Variants in ATP5F1B observed in about 807,000 individuals in gnomAD.
ATP5F1B encodes ATP synthase F1 subunit beta, also known as ATP synthase F(1) complex subunit beta, mitochondrial.
Under a neutral mutation model 45.9 loss-of-function variants are expected in ATP5F1B, and 17 were observed. That is an observed-to-expected ratio of 0.37 (90% confidence interval 0.25 to 0.56). The LOEUF is 0.56. Ranked by LOEUF, ATP5F1B falls within the 20% of genes least tolerant of loss-of-function variation. The pLI is 0.80. For missense variants in ATP5F1B, 387 were observed against 673.2 expected (o/e 0.57, Z 4.70); for synonymous variants, 218 against 256.5 (o/e 0.85, Z 1.43).
chr12:56,642,362 A>G, intron 7 of ATP5F1B, 96 bp downstream of exon 7: 1 of 1,540,820 alleles, frequency 6.5e-7, no homozygotes, highest in Non-Finnish European at 8.8e-7. Context: ...CTTGGGCTCA[A>G]GCAATCTTCC....
intron 3 of ATP5F1B, among the ~76,000 whole-genome samples, chr12:56,644,381 G>C (rs1473892234): frequency 8.2e-6 from 1 of 121,514 alleles, no homozygotes; most frequent in South Asian, 2.5e-4. Flanking sequence ...GCCGAGGTGG[G>C]GGGGGAATCA....
At chr12:56,643,773 T>C in intron 4 of ATP5F1B, 64 bp downstream of exon 4, 2 of 1,602,234 alleles carry the variant, frequency 1.2e-6, no homozygotes, top group Non-Finnish European at 1.7e-6. Flanking sequence ...TATCCACTCA[T>C]AACATTGTAT....
At chr12:56,639,900 A>G in intron 8 of ATP5F1B, 80 bp downstream of exon 8, 1 of 1,451,024 alleles carries the variant, frequency 6.9e-7, no homozygotes, top group Non-Finnish European at 9.5e-7. Flanking sequence ...AATCACTAAG[A>G]AAGATCCAGT....
intron 7 of ATP5F1B, among the ~76,000 whole-genome samples, chr12:56,641,507 T>C (rs1951511807): frequency 6.6e-6 from 1 of 152,152 alleles, no homozygotes; most frequent in Admixed American, 6.5e-5. Flanking sequence ...ATATCCCATC[T>C]ATATATATTT....
intron 7 of ATP5F1B, among the ~76,000 whole-genome samples, chr12:56,641,196 C>G (rs556498273): frequency 1.2e-4 from 18 of 151,998 alleles, no homozygotes; most frequent in African/African-American, 3.9e-4. Flanking sequence ...GAAACCCCGT[C>G]TCTACTAAAA....
At chr12:56,643,771 CAT>C (rs755597569) in intron 4 of ATP5F1B, 64 bp downstream of exon 4, 1 of 1,601,078 alleles carries the variant, frequency 6.2e-7, no homozygotes, top group Non-Finnish European at 8.6e-7. Flanking sequence ...AATATCCACT[CAT>C]AACATTGTAT....
At chr12:56,641,644 A>C (rs1951512872) in intron 7 of ATP5F1B, among the ~76,000 whole-genome samples, 2 of 151,326 alleles carry the variant, frequency 1.3e-5, no homozygotes, top group Admixed American at 1.3e-4. Context: ...TCCGCCTCCC[A>C]GGTTCAAGCA....
chr12:56,644,604 C>A (rs1049281285), intron 3 of ATP5F1B, among the ~76,000 whole-genome samples, 177 bp downstream of exon 3: 3 of 151,966 alleles, frequency 2.0e-5, no homozygotes, highest in African/African-American at 7.2e-5. Context: ...AAGTAGTAGG[C>A]TTTTGTCAAT....
At chr12:56,645,407 C>T (rs1653576106) in intron 1 of ATP5F1B, 54 bp from the exon 2 acceptor site, 1 of 1,551,944 alleles carries the variant, frequency 6.4e-7, no homozygotes, top group Non-Finnish European at 8.7e-7. Flanking sequence ...TAAAGGTCAT[C>T]GGAAGCCAGG....
At position 56,642,450 on chromosome 12, in the gene ATP5F1B, T is replaced by C; in HGVS notation, c.1074+8A>G. On this transcript the variant is annotated splice_region_variant and intron_variant, in intron 7 of 9. Coordinates refer to ENST00000262030, the MANE Select transcript of ATP5F1B (RefSeq NM_001686.4). ...AAATCAGATCTTCATCTATGTAATT[T>C]TTCTTACCTGTACAGAGGTGATAGA... is the stretch of plus-strand genomic sequence containing the variant. The C allele has an allele frequency of 6.2e-7, 1 of 1,613,584 alleles. No individual in the cohort carries two copies. Among genetic ancestry groups the C allele is most frequent in the Non-Finnish European group, 8.5e-7 (1 of 1,180,000 alleles).
chr12:56,645,024 ACTC>A (rs1368108555), intron 2 of ATP5F1B, 69 bp from the exon 3 acceptor site: 1 of 1,609,618 alleles, frequency 6.2e-7, no homozygotes, highest in Non-Finnish European at 8.5e-7. Context: ...ATCGACCAAG[ACTC>A]CTTCTCAGTA....
At chr12:56,645,063 G>C (rs771636112) in intron 2 of ATP5F1B, 108 bp from the exon 3 acceptor site, 15 of 1,607,110 alleles carry the variant, frequency 9.3e-6, no homozygotes, top group African/African-American at 1.3e-5. Flanking sequence ...AGCAAACTCA[G>C]AAGAACGAAA....
rs981172351 is a variant in ATP5F1B, at chr12:56,645,432, G to A, written c.128-79C>T. Reference sequence around the variant, plus strand: ...CGGAAGCCAGGACTTAACACACAAGGAGAGGAAAACTCAGCCGAAGTCAGG... The same window carrying A: ...CGGAAGCCAGGACTTAACACACAAGAAGAGGAAAACTCAGCCGAAGTCAGG... On this transcript the variant is annotated intron_variant, in intron 1 of 9. Transcript: ENST00000262030. 4.1e-6 allele frequency: 6 copies of A among 1,468,490 alleles called. No individual in the cohort carries two copies. The African/African-American group carries it at 7.1e-5, about 17-fold the overall frequency. 91.0% of individuals were successfully genotyped at this position (1,468,490 alleles called of 1,614,324 possible).
chr12:56,642,827 G>A lies in ATP5F1B; in HGVS notation c.797C>T (p.Ala266Val), dbSNP rs1951522666. The A allele has an allele frequency of 3.7e-6, 6 of 1,614,070 alleles. No individual in the cohort carries two copies. Among genetic ancestry groups the A allele is most frequent in the Non-Finnish European group, 5.1e-6 (6 of 1,180,016 alleles). Residue 266 changes from alanine to valine, a missense_variant, in exon 6 of 10, where the codon GCG (alanine) becomes GTG (valine). Physicochemically the swap from Ala to Val is moderately conservative, Grantham distance 64. Transcript: ENST00000262030. ...TTCATTCATTTGACCATATACCAGC[G>A]CTACCTGCAGTAATCATACATAATC... ...INLKDATSKV[A>V]LVYGQMNEPP...
chr12:56,644,962 G>T lies in ATP5F1B; in HGVS notation c.311-7C>A. 6.2e-7 allele frequency: 1 copy of T among 1,614,084 alleles called. No homozygotes were observed. The highest frequency in any genetic ancestry group is 8.5e-7 in the Non-Finnish European group (1 of 1,179,948). On this transcript the variant is annotated splice_region_variant and splice_polypyrimidine_tract_variant and intron_variant, in intron 2 of 9. Coordinates refer to ENST00000262030, the MANE Select transcript of ATP5F1B (RefSeq NM_001686.4). ...GTCCTTACTGTGCTCTCACCTGTTA[G>T]ATACAGGCATCGCAGGGTTATACAT... is the stretch of plus-strand genomic sequence containing the variant.
chr12:56,645,106 C>CA, intron 2 of ATP5F1B, 65 bp downstream of exon 2: 1 of 1,609,174 alleles, frequency 6.2e-7, no homozygotes, highest in Non-Finnish European at 8.5e-7. Flanking sequence ...AGAAGGCAGA[C>CA]AGCTTGGTTT....
chr12:56,643,222 T>C, intron 5 of ATP5F1B, 181 bp downstream of exon 5: 1 of 532,144 alleles, frequency 1.9e-6, no homozygotes, highest in South Asian at 3.6e-5. Context: ...ATTTGTGTAT[T>C]GGAAGTTGGG....
intron 6 of ATP5F1B, 23 bp downstream of exon 6, chr12:56,642,650 T>TCCTCTCAAGCCTTC: frequency 6.2e-7 from 1 of 1,614,014 alleles, no homozygotes; most frequent in Non-Finnish European, 8.5e-7. Flanking sequence ...ATGAACCAGG[T>TCCTCTCAAGCCTTC]CCTCTCAAGC....
intron 9 of ATP5F1B, 97 bp downstream of exon 9, chr12:56,639,009 A>C: frequency 8.6e-7 from 1 of 1,164,800 alleles, no homozygotes; most frequent in Non-Finnish European, 1.2e-6. Flanking sequence ...AAATTAAAAA[A>C]TATAATTAAG....
Sources: gnomAD v4.1 joint callset for allele counts (sites outside exome capture counted in the v4.1 genomes callset) on GRCh38, gnomAD v4.1.1 for gene constraint, MANE v1.5 for transcripts, NCBI Gene and HGNC (gene_info 2026-07-23, HGNC 2026-07-21) for gene names.